Variants in KANK1 observed in about 807,000 individuals in gnomAD.
The protein encoded by KANK1 is KN motif and ankyrin repeat domain-containing protein 1.
Under a neutral mutation model 106.2 loss-of-function variants are expected in KANK1, and 109 were observed. The observed-to-expected ratio is 1.03, with a 90% CI of 0.88 to 1.20. The LOEUF is 1.20. Ranked by LOEUF, KANK1 falls within the 50% of genes most tolerant of loss-of-function variation. The pLI is 0.00. For synonymous variants in KANK1, 873 were observed against 652.2 expected (o/e 1.34, Z -5.16); for missense variants, 2,399 against 1,710.7 (o/e 1.40, Z -7.10).
intron 1 of KANK1, among the ~76,000 whole-genome samples, chr9:664,727 T>C (rs1844172455): frequency 6.6e-6 from 1 of 152,190 alleles, no homozygotes; most frequent in African/African-American, 2.4e-5. Context: ...GTATTCTACT[T>C]TTACATTTTT....
intron 8 of KANK1, among the ~76,000 whole-genome samples, 179 bp from the exon 9 acceptor site, chr9:740,613 A>C (rs12340336): frequency 0.01 from 1,535 of 152,194 alleles, 22 homozygotes; most frequent in African/African-American, 0.035. Context: ...GGGGGAAAAA[A>C]AGTTTTTGGT....
Position 628,155 on chromosome 9 carries a change from C to T in KANK1, c.-83-48735C>T, listed in dbSNP as rs138730951. Among the ~76,000 whole-genome samples the T allele has an allele frequency of 4.4e-3, 677 of 152,304 alleles. 10 individuals are homozygous for T. The highest frequency in any genetic ancestry group is 0.015 in the African/African-American group (639 of 41,548). The stretch of plus-strand genomic sequence containing the variant: ...GAATTGAAGCTGGGATAGCTTCTCT[C>T]CTGACTCTTGAAGTCCGAAAACAAG... On this transcript the variant is annotated intron_variant, in intron 1 of 11. Coordinates refer to ENST00000382297, the MANE Select transcript of KANK1 (RefSeq NM_015158.5).
In KANK1 at chr9:478,906, G is replaced by A. The variant is rs1289741143; in HGVS notation, c.-362+5633G>A. Among the ~76,000 whole-genome samples, 7 of 150,632 alleles carry A rather than the reference G, an allele frequency of 4.6e-5. No individual in the cohort carries two copies. The East Asian group carries it at 7.9e-4, about 17-fold the overall frequency. On this transcript the variant is annotated intron_variant, in intron 3 of 15. Coordinates refer to the KANK1 transcript ENST00000382303. Reference sequence around the variant, plus strand: ...GACAAATCATCCATAACTCTACCACGCTAAACATCCATTACTTTTTTTTTT... The same window carrying A: ...GACAAATCATCCATAACTCTACCACACTAAACATCCATTACTTTTTTTTTT...
chr9:609,409 C>T (rs897147056), intron 1 of KANK1, among the ~76,000 whole-genome samples: 2 of 152,140 alleles, frequency 1.3e-5, no homozygotes, highest in African/African-American at 4.8e-5. Context: ...GGGCGGATCA[C>T]CTGAGGTCAG....
rs1234300624 is a variant in KANK1 at position 711,511 on chromosome 9, T to C, written c.745T>C (p.Ser249Pro). The C allele has an allele frequency of 4.7e-5, 76 of 1,613,854 alleles. 1 individual carries two copies. In the Admixed American group the frequency reaches 1.3e-3, roughly 27 times the overall value. ...IRHSPLSSGI[S>P]TPVTNVSPMH... is the part of the protein sequence containing the mutation. ...CCACAGCCCCCTGAGCTCAGGGATCTCCACCCCAGTGACCAACGTGAGCCC... is the reference window on the plus strand; with the variant it reads ...CCACAGCCCCCTGAGCTCAGGGATCCCCACCCCAGTGACCAACGTGAGCCC... Residue 249 changes from serine (S) to proline (P), a missense_variant, in exon 3 of 12, where the codon TCC becomes CCC. Physicochemically the swap from Ser to Pro is moderately conservative, Grantham distance 74. Coordinates refer to ENST00000382297, the MANE Select transcript of KANK1 (RefSeq NM_015158.5).
At chr9:718,784 G>C (rs1828461184) in intron 3 of KANK1, among the ~76,000 whole-genome samples, 1 of 152,140 alleles carries the variant, frequency 6.6e-6, no homozygotes, top group Non-Finnish European at 1.5e-5. Flanking sequence ...TGAGGTCTGA[G>C]AGGAGAGCGT....
At chr9:577,044 TGAG>T (rs773520175) in intron 1 of KANK1, among the ~76,000 whole-genome samples, 1 of 152,098 alleles carries the variant, frequency 6.6e-6, no homozygotes, top group Non-Finnish European at 1.5e-5. Context: ...CTCGCTGACT[TGAG>T]GAGTGAATCT....
At chr9:651,322 T>G (rs1241596251) in intron 1 of KANK1, among the ~76,000 whole-genome samples, 2 of 152,322 alleles carry the variant, frequency 1.3e-5, no homozygotes, top group Middle Eastern at 3.4e-3. Context: ...TTTGTTTCAT[T>G]GCTTCAAAAT....
chr9:534,480 C>T (rs1432585605), intron 1 of KANK1, among the ~76,000 whole-genome samples: 2 of 152,200 alleles, frequency 1.3e-5, no homozygotes, highest in African/African-American at 4.8e-5. Flanking sequence ...GAAAATGCCG[C>T]TCTTAAGCAA....
chr9:537,146 A>G (rs138309985), intron 1 of KANK1, among the ~76,000 whole-genome samples: 1 of 152,350 alleles, frequency 6.6e-6, no homozygotes, highest in Admixed American at 6.5e-5. Context: ...CTGAAGTATA[A>G]AATGAAACCA....
At chr9:682,004 G>A (rs1177135595) in intron 2 of KANK1, among the ~76,000 whole-genome samples, 1 of 152,056 alleles carries the variant, frequency 6.6e-6, no homozygotes, top group Non-Finnish European at 1.5e-5. Flanking sequence ...TTTAGGCTGG[G>A]CACGGTGGCT....
Position 537,588 on chromosome 9 carries a change from A to G in KANK1, c.-84+32834A>G, listed in dbSNP as rs531140670. Among the ~76,000 whole-genome samples the G allele has an allele frequency of 6.6e-5, 10 of 152,310 alleles. No homozygotes were observed. In the East Asian group the frequency reaches 1.2e-3, roughly 18 times the overall value. ...AAAAGAACTCTGAAAGCTTGCACCT[A>G]AGATGAAGCCCTGGAATAACCTGAA... is the stretch of plus-strand genomic sequence containing the variant. On this transcript the variant is annotated intron_variant, in intron 1 of 11. Transcript: ENST00000382297.
chr9:700,193 T>C (rs1002188885), intron 2 of KANK1, among the ~76,000 whole-genome samples: 1 of 152,230 alleles, frequency 6.6e-6, no homozygotes, highest in African/African-American at 2.4e-5. Context: ...AACAACTCTT[T>C]GGTAAATGCA....
At chr9:525,004 T>G (rs2059721531) in intron 1 of KANK1, among the ~76,000 whole-genome samples, 1 of 132,618 alleles carries the variant, frequency 7.5e-6, no homozygotes, top group South Asian at 2.4e-4. Flanking sequence ...TTTTTTTTTT[T>G]GAGGCAGAGT....
intron 2 of KANK1, chr9:707,268 G>T: frequency 1.0e-6 from 1 of 980,782 alleles, no homozygotes; most frequent in Non-Finnish European, 1.2e-6. Flanking sequence ...TGCGAGCGGC[G>T]TGGGGCGGCC....
intron 1 of KANK1, among the ~76,000 whole-genome samples, chr9:583,224 T>C (rs1394363682): frequency 6.6e-6 from 1 of 152,176 alleles, no homozygotes; most frequent in Non-Finnish European, 1.5e-5. Flanking sequence ...AGAGCTTATT[T>C]GTAAAAATTA....
chr9:649,530 T>C (rs1044591625), intron 1 of KANK1, among the ~76,000 whole-genome samples: 2 of 152,156 alleles, frequency 1.3e-5, no homozygotes, highest in Non-Finnish European at 2.9e-5. Flanking sequence ...AGCTTACAGA[T>C]GTAAGTAAGT....
intron 2 of KANK1, among the ~76,000 whole-genome samples, chr9:694,248 CTG>C (rs1820677703): frequency 6.6e-6 from 1 of 152,172 alleles, no homozygotes; most frequent in Non-Finnish European, 1.5e-5. Context: ...GGCCAAAAAA[CTG>C]TAATGTTTTG....
intron 3 of KANK1, among the ~76,000 whole-genome samples, chr9:727,490 T>A (rs1272196868): frequency 6.6e-6 from 1 of 151,836 alleles, no homozygotes; most frequent in Non-Finnish European, 1.5e-5. Flanking sequence ...CTAATTTTTG[T>A]ATTTTTGTAG....
Sources: allele counts gnomAD v4.1 joint callset (sites outside exome capture counted in the v4.1 genomes callset), GRCh38; gene constraint gnomAD v4.1.1; transcripts MANE v1.5; gene names NCBI Gene and HGNC (gene_info 2026-07-23, HGNC 2026-07-21).